GRB2: variants seen among roughly 807,000 people sequenced by gnomAD.
GRB2 encodes growth factor receptor bound protein 2.
In GRB2, 2 loss-of-function variants were observed where a neutral mutation model predicts 27.4. That is an observed-to-expected ratio of 0.07 (90% CI 0.03 to 0.23). The LOEUF (loss-of-function observed/expected upper bound fraction) is 0.23, where lower values mean the gene tolerates loss of function less well. Among genes scored for constraint, GRB2 ranks in the 10% least tolerant of loss-of-function variants. GRB2 has a pLI of 1.00. For synonymous variants in GRB2, 94 were observed against 99.6 expected, an observed-to-expected ratio of 0.94 and a Z score of 0.33; for missense variants, 102 against 282.4, an observed-to-expected ratio of 0.36 and a Z score of 4.58.
chr17:75,362,899 A>C lies in GRB2; in HGVS notation c.79-30102T>G, dbSNP rs2078793965. ...ATAAAGTACTACAGTTAAATACTAA[A>C]GGCTTTCCCATTTTGGGGGTAGAGG... On this transcript the variant is annotated intron_variant, in intron 2 of 5. Coordinates refer to ENST00000316804, the MANE Select transcript of GRB2 (RefSeq NM_002086.5). Among the ~76,000 whole-genome samples, 3 of 152,328 alleles carry C rather than the reference A, an allele frequency of 2.0e-5. No homozygotes were observed. In the South Asian group the frequency reaches 6.2e-4, roughly 32 times the overall value.
intron 1 of GRB2, among the ~76,000 whole-genome samples, chr17:75,398,550 C>T (rs1188147209): frequency 6.6e-6 from 1 of 151,470 alleles, no homozygotes; most frequent in African/African-American, 2.4e-5. Context: ...TATGAGCCAC[C>T]GCACCAGGCA....
rs1364561472 is a variant in GRB2, at chr17:75,405,552, AC to A, written c.-202del. On this transcript the variant is annotated 5_prime_UTR_variant, in exon 1 of 6. Coordinates refer to ENST00000316804, the MANE Select transcript of GRB2 (RefSeq NM_002086.5). Reference sequence around the variant, plus strand: ...TCCACAACGCTGCGAGCGGCCGGCGACCCCAAGGCTGCTCTGCGAGGGCAGC... The same window carrying A: ...TCCACAACGCTGCGAGCGGCCGGCGACCCAAGGCTGCTCTGCGAGGGCAGC... The A allele has an allele frequency of 6.5e-6, 1 of 153,830 alleles. No homozygotes were observed. The highest frequency in any genetic ancestry group is 2.4e-5 in the African/African-American group (1 of 41,340). The allele number at this position is 153,830 out of a possible 1,614,324, so 9.5% of individuals were successfully genotyped here.
chr17:75,376,536 AG>A (rs2078895128), intron 2 of GRB2, among the ~76,000 whole-genome samples: 2 of 150,610 alleles, frequency 1.3e-5, no homozygotes, highest in African/African-American at 2.4e-5. Context: ...AAAAAAAAAA[AG>A]ATTAGTGAAG....
chr17:75,332,726 C>G lies in GRB2; in HGVS notation c.150G>C (p.Lys50Asn), dbSNP rs1474828505. 6.2e-7 allele frequency: 1 copy of G among 1,610,248 alleles called. No homozygotes were observed. The highest frequency in any genetic ancestry group is 1.7e-5 in the Admixed American group (1 of 59,826). ...ELNGKDGFIP[K>N]NYIEMKPHPW... ...GATGTGGTTTCATTTCTATGTAGTT[C>G]TTGGGAATGAAGCCGTCTTTTCCAT... is the stretch of plus-strand genomic sequence containing the variant. The change falls in exon 3 of 6, where the codon AAG becomes AAC. Residue 50 changes from lysine to asparagine, a missense_variant. By Grantham distance (94) the Lys-to-Asn change is moderately conservative. Coordinates refer to ENST00000316804, the MANE Select transcript of GRB2 (RefSeq NM_002086.5).
chr17:75,339,593 T>A (rs1450501349), intron 2 of GRB2, among the ~76,000 whole-genome samples: 1 of 151,334 alleles, frequency 6.6e-6, no homozygotes, highest in Non-Finnish European at 1.5e-5. Flanking sequence ...TGACCTATAA[T>A]GATATATACA....
chr17:75,348,752 C>G (rs983023210), intron 2 of GRB2, among the ~76,000 whole-genome samples: 1 of 152,234 alleles, frequency 6.6e-6, no homozygotes, highest in Non-Finnish European at 1.5e-5. Context: ...TCTCTGCTCA[C>G]TGCAGCCTCT....
At chr17:75,378,836 T>C (rs1017300459) in intron 2 of GRB2, among the ~76,000 whole-genome samples, 5 of 152,226 alleles carry the variant, frequency 3.3e-5, no homozygotes, top group African/African-American at 9.6e-5. Context: ...ATGAGGCCAT[T>C]AGTTACAAAT....
intron 2 of GRB2, among the ~76,000 whole-genome samples, chr17:75,383,651 G>C (rs886129222): frequency 6.6e-6 from 1 of 152,108 alleles, no homozygotes; most frequent in African/African-American, 2.4e-5. Flanking sequence ...AGACCAGCCC[G>C]GCCAATATGG....
At chr17:75,395,923 A>G (rs1168031463) in intron 1 of GRB2, among the ~76,000 whole-genome samples, 1 of 148,110 alleles carries the variant, frequency 6.8e-6, no homozygotes, top group Non-Finnish European at 1.5e-5. Context: ...GCTCATTGCA[A>G]CCTCCACCTC....
At chr17:75,373,338 G>C (rs1239748660) in intron 2 of GRB2, 1 of 152,206 alleles carries the variant, frequency 6.6e-6, no homozygotes, top group African/African-American at 2.4e-5. Flanking sequence ...GCCTTTCACA[G>C]AACGTCAAAG....
intron 2 of GRB2, among the ~76,000 whole-genome samples, chr17:75,384,080 G>T (rs1047016898): frequency 3.3e-5 from 5 of 152,124 alleles, no homozygotes; most frequent in African/African-American, 7.2e-5. Flanking sequence ...CAATACTTCA[G>T]ATGTCTCTCA....
intron 2 of GRB2, among the ~76,000 whole-genome samples, chr17:75,359,674 A>C (rs2078766427): frequency 6.6e-6 from 1 of 152,088 alleles, no homozygotes; most frequent in South Asian, 2.1e-4. Context: ...TTTCAACAAC[A>C]CTAAAGCTAC....
intron 3 of GRB2, among the ~76,000 whole-genome samples, chr17:75,328,323 CA>C (rs2078514206): frequency 6.7e-6 from 1 of 149,154 alleles, no homozygotes. Context: ...GACTCTGTCT[CA>C]AAAAAATATA....
At chr17:75,360,632 G>C (rs2078773749) in intron 2 of GRB2, among the ~76,000 whole-genome samples, 1 of 152,176 alleles carries the variant, frequency 6.6e-6, no homozygotes, top group Non-Finnish European at 1.5e-5. Flanking sequence ...CAAAAGCAAG[G>C]TTTGTGGGGC....
chr17:75,379,232 T>C (rs2078912540), intron 2 of GRB2, among the ~76,000 whole-genome samples: 2 of 152,192 alleles, frequency 1.3e-5, no homozygotes, highest in Admixed American at 1.3e-4. Context: ...GTTTGTCATA[T>C]AAATTTTCTA....
intron 2 of GRB2, among the ~76,000 whole-genome samples, chr17:75,350,969 A>G (rs552096896): frequency 2.0e-5 from 3 of 152,194 alleles, no homozygotes; most frequent in Non-Finnish European, 4.4e-5. Context: ...CCAGGGACAG[A>G]GAACTGAGCC....
chr17:75,349,735 G>A (rs964515173), intron 2 of GRB2, among the ~76,000 whole-genome samples: 2 of 151,870 alleles, frequency 1.3e-5, no homozygotes, highest in Non-Finnish European at 2.9e-5. Context: ...GGCCAAGCTG[G>A]TCTTGAACTC....
intron 3 of GRB2, among the ~76,000 whole-genome samples, chr17:75,332,199 C>T (rs1048429067): frequency 4.6e-5 from 7 of 152,104 alleles, no homozygotes; most frequent in Non-Finnish European, 8.8e-5. Flanking sequence ...ATTCACTGCT[C>T]CCAGCAGCCT....
intron 2 of GRB2, among the ~76,000 whole-genome samples, chr17:75,346,943 G>A (rs2078659550): frequency 6.6e-6 from 1 of 152,084 alleles, no homozygotes; most frequent in Non-Finnish European, 1.5e-5. Context: ...AATCAATGGG[G>A]AGGCCTGCAG....
Sources: gnomAD v4.1 joint callset for allele counts (sites outside exome capture counted in the v4.1 genomes callset) on GRCh38, gnomAD v4.1.1 for gene constraint, MANE v1.5 for transcripts, NCBI Gene and HGNC (gene_info 2026-07-23, HGNC 2026-07-21) for gene names.